GABRB2: variants seen among roughly 807,000 people sequenced by gnomAD.
GABRB2 encodes the protein gamma-aminobutyric acid type A receptor subunit beta2, also known as gamma-aminobutyric acid receptor subunit beta-2.
A neutral mutation model predicts 54.7 loss-of-function variants in GABRB2; 16 were observed. The observed-to-expected ratio is 0.29, with a 90% CI of 0.20 to 0.44. The LOEUF (loss-of-function observed/expected upper bound fraction) is 0.44. Ranked by LOEUF, GABRB2 falls within the 20% of genes least tolerant of loss-of-function variation. GABRB2 has a pLI of 1.00. For missense variants in GABRB2, 355 were observed against 644.0 expected, an observed-to-expected ratio of 0.55 and a Z score of 4.86; for synonymous variants, 244 against 233.8, an observed-to-expected ratio of 1.04 and a Z score of -0.40.
chr5:161,457,407 T>C (rs908884917), intron 4 of GABRB2, among the ~76,000 whole-genome samples: 13 of 152,146 alleles, frequency 8.5e-5, no homozygotes, highest in African/African-American at 3.1e-4. Context: ...GAAGCCAATT[T>C]ATCATCTATA....
chr5:161,338,429 G>A (rs1038902908), intron 5 of GABRB2, among the ~76,000 whole-genome samples: 1 of 152,090 alleles, frequency 6.6e-6, no homozygotes, highest in Non-Finnish European at 1.5e-5. Context: ...TATTTTATTA[G>A]TATGATCTAA....
chr5:161,317,375 C>T lies in GABRB2; in HGVS notation c.1191+8993G>A, dbSNP rs1249000268. Among the ~76,000 whole-genome samples the T allele has an allele frequency of 2.0e-5, 3 of 152,248 alleles. No individual in the cohort carries two copies. In the East Asian group the frequency reaches 5.8e-4, roughly 29 times the overall value. On this transcript the variant is annotated intron_variant, in intron 9 of 9. Coordinates refer to ENST00000393959, the MANE Select transcript of GABRB2 (RefSeq NM_001371727.1). Reference sequence around the variant, plus strand: ...AAAGAGAAAAGCAGAAGTGCCCCTACCATCCCGTCCCACTCTCCAAATGTA... The same window carrying T: ...AAAGAGAAAAGCAGAAGTGCCCCTATCATCCCGTCCCACTCTCCAAATGTA...
chr5:161,425,100 G>A (rs560454406), intron 4 of GABRB2, among the ~76,000 whole-genome samples: 103 of 152,174 alleles, frequency 6.8e-4, no homozygotes, highest in Middle Eastern at 3.4e-3. Flanking sequence ...ATGGATGGAC[G>A]AAGAAAGTGA....
intron 5 of GABRB2, among the ~76,000 whole-genome samples, chr5:161,407,283 C>G (rs1384847833): frequency 6.6e-6 from 1 of 152,094 alleles, no homozygotes; most frequent in Admixed American, 6.6e-5. Context: ...ATCCCCCTGA[C>G]TATTCCTATT....
intron 9 of GABRB2, among the ~76,000 whole-genome samples, chr5:161,307,290 C>CT (rs1757717138): frequency 6.6e-6 from 1 of 152,172 alleles, no homozygotes; most frequent in Admixed American, 6.5e-5. Context: ...TTATATATTA[C>CT]TTCTAAAGGA....
At chr5:161,312,041 T>A (rs189504258) in intron 9 of GABRB2, among the ~76,000 whole-genome samples, 9 of 152,130 alleles carry the variant, frequency 5.9e-5, no homozygotes, top group Admixed American at 5.9e-4. Flanking sequence ...TGTGTGTGTG[T>A]GTGCTCCCCT....
chr5:161,364,457 T>C (rs1047579913), intron 5 of GABRB2, among the ~76,000 whole-genome samples: 2 of 152,142 alleles, frequency 1.3e-5, no homozygotes, highest in Non-Finnish European at 2.9e-5. Flanking sequence ...GAATGAATAC[T>C]GAACTCTTGA....
intron 5 of GABRB2, among the ~76,000 whole-genome samples, chr5:161,385,930 A>G (rs1357662503): frequency 7.0e-6 from 1 of 142,184 alleles, no homozygotes; most frequent in Non-Finnish European, 1.5e-5. Flanking sequence ...ACTTTTAGTA[A>G]CTGTTACCTA....
At chr5:161,314,054 G>A (rs1251075297) in intron 9 of GABRB2, among the ~76,000 whole-genome samples, 2 of 152,220 alleles carry the variant, frequency 1.3e-5, no homozygotes, top group East Asian at 1.9e-4. Flanking sequence ...AGGCTCTCAC[G>A]GGAATGCAGC....
intron 3 of GABRB2, among the ~76,000 whole-genome samples, chr5:161,498,848 T>C (rs1463028839): frequency 9.2e-5 from 14 of 152,162 alleles, no homozygotes; most frequent in Admixed American, 9.2e-4. Flanking sequence ...GTTCCTTGCT[T>C]CTTGCTCTCC....
chr5:161,514,445 T>C (rs537090763), intron 3 of GABRB2, among the ~76,000 whole-genome samples: 1 of 152,294 alleles, frequency 6.6e-6, no homozygotes, highest in East Asian at 1.9e-4. Flanking sequence ...AGAAAACATC[T>C]GGTCTGTCTT....
At chr5:161,391,524 G>A (rs1755819288) in intron 5 of GABRB2, among the ~76,000 whole-genome samples, 1 of 152,034 alleles carries the variant, frequency 6.6e-6, no homozygotes, top group African/African-American at 2.4e-5. Flanking sequence ...AGTGGAATAA[G>A]GCTTTGTTCT....
At chr5:161,459,888 C>G (rs1221804419) in intron 3 of GABRB2, 44 bp from the exon 4 acceptor site, 1 of 1,135,518 alleles carries the variant, frequency 8.8e-7, no homozygotes, top group Non-Finnish European at 1.3e-6. Context: ...TACACCCAGA[C>G]AGATCTGGGG....
intron 9 of GABRB2, among the ~76,000 whole-genome samples, chr5:161,295,248 G>T (rs1198103209): frequency 6.6e-6 from 1 of 152,180 alleles, no homozygotes; most frequent in African/African-American, 2.4e-5. Context: ...AGTACAATTA[G>T]TTGGCTATGC....
At chr5:161,385,476 C>T (rs2910291) in intron 5 of GABRB2, among the ~76,000 whole-genome samples, 113,760 of 152,104 alleles carry the variant, frequency 0.75, 42,933 homozygotes, top group South Asian at 0.86. Flanking sequence ...ATCCTTAGTA[C>T]TTCAAGATTT....
intron 3 of GABRB2, among the ~76,000 whole-genome samples, chr5:161,507,337 T>C (rs1475919605): frequency 6.6e-6 from 1 of 152,204 alleles, no homozygotes; most frequent in Non-Finnish European, 1.5e-5. Flanking sequence ...AATAGTATTG[T>C]CCCAACGTTA....
intron 3 of GABRB2, among the ~76,000 whole-genome samples, chr5:161,468,066 C>T (rs1758328397): frequency 6.6e-6 from 1 of 152,052 alleles, no homozygotes; most frequent in Non-Finnish European, 1.5e-5. Flanking sequence ...TCTATTACAT[C>T]TGTCTCCAAT....
At chr5:161,422,419 TA>T (rs1561644558) in intron 4 of GABRB2, among the ~76,000 whole-genome samples, 2 of 152,042 alleles carry the variant, frequency 1.3e-5, no homozygotes, top group South Asian at 4.1e-4. Flanking sequence ...CATGATATAA[TA>T]AAAAACACTT....
At chr5:161,295,988 AT>A (rs1034176302) in intron 9 of GABRB2, among the ~76,000 whole-genome samples, 8 of 152,246 alleles carry the variant, frequency 5.3e-5, no homozygotes, top group Non-Finnish European at 1.2e-4. Context: ...AGGAAGGAAC[AT>A]TTAAAGGTTC....
Sources: gnomAD v4.1 joint callset for allele counts (sites outside exome capture counted in the v4.1 genomes callset) on GRCh38, gnomAD v4.1.1 for gene constraint, MANE v1.5 for transcripts, NCBI Gene and HGNC (gene_info 2026-07-23, HGNC 2026-07-21) for gene names.